TMEM132D: variants seen among roughly 807,000 people sequenced by gnomAD.
TMEM132D encodes transmembrane protein 132D, also known as mature OL transmembrane protein.
TMEM132D carries 21 observed loss-of-function variants against 62.3 expected under a neutral mutation model. The observed-to-expected ratio is 0.34, with a 90% CI of 0.24 to 0.49. The LOEUF (loss-of-function observed/expected upper bound fraction) is 0.49, where lower values mean the gene tolerates loss of function less well. Ranked by LOEUF, TMEM132D falls within the 20% of genes least tolerant of loss-of-function variation. The probability of loss-of-function intolerance (pLI) is 0.99; values close to 1 mark genes in which losing one functional copy is unlikely to be tolerated. For missense variants in TMEM132D, 1,346 were observed against 1,402.8 expected, an observed-to-expected ratio of 0.96 and a Z score of 0.65; for synonymous variants, 621 against 575.6, an observed-to-expected ratio of 1.08 and a Z score of -1.13.
intron 5 of TMEM132D, among the ~76,000 whole-genome samples, chr12:129,138,903 C>T (rs1876660298): frequency 6.6e-6 from 1 of 152,200 alleles, no homozygotes; most frequent in African/African-American, 2.4e-5. Flanking sequence ...TTAATTGTAG[C>T]ACCCACCCTG....
intron 3 of TMEM132D, among the ~76,000 whole-genome samples, chr12:129,433,032 C>T (rs961857706): frequency 1.3e-5 from 2 of 152,304 alleles, no homozygotes; most frequent in Admixed American, 1.3e-4. Context: ...GATGTGTACA[C>T]TTTTGTATTT....
chr12:129,778,767 G>A (rs187254964), intron 1 of TMEM132D, among the ~76,000 whole-genome samples: 8 of 152,238 alleles, frequency 5.3e-5, no homozygotes, highest in East Asian at 3.9e-4. Context: ...TCCTAATACT[G>A]TGGTGCTTAA....
At chr12:129,246,472 G>A (rs1323500258) in intron 4 of TMEM132D, among the ~76,000 whole-genome samples, 1 of 152,118 alleles carries the variant, frequency 6.6e-6, no homozygotes, top group Non-Finnish European at 1.5e-5. Context: ...TGTGCACCTG[G>A]GGGCTGGACA....
At chr12:129,102,237 G>T (rs931730123) in intron 5 of TMEM132D, among the ~76,000 whole-genome samples, 2 of 152,138 alleles carry the variant, frequency 1.3e-5, no homozygotes, top group East Asian at 3.8e-4. Flanking sequence ...TCTTGCGTAC[G>T]CAGAGACTCA....
chr12:129,503,935 GTCA>G (rs768793201), intron 3 of TMEM132D, among the ~76,000 whole-genome samples: 31 of 151,070 alleles, frequency 2.1e-4, no homozygotes, highest in South Asian at 6.3e-4. Context: ...CATCATTACT[GTCA>G]TCATCATCAC....
In TMEM132D at chr12:129,084,484, G is replaced by T. The variant is rs769386298; in HGVS notation, c.1649+13C>A. 1.3e-6 allele frequency: 2 copies of T among 1,577,668 alleles called. No homozygotes were observed. The highest frequency in any genetic ancestry group is 1.7e-6 in the Non-Finnish European group (2 of 1,162,588). ...CTCCTTAGCCTGCCATGGAGTTTCA[G>T]GGACATACCCACCTCCTGCTGGAGA... On this transcript the variant is annotated intron_variant, in intron 6 of 8. Transcript: ENST00000422113.
intron 3 of TMEM132D, among the ~76,000 whole-genome samples, chr12:129,493,421 C>T (rs927922308): frequency 1.3e-5 from 2 of 152,146 alleles, no homozygotes; most frequent in Non-Finnish European, 2.9e-5. Flanking sequence ...CCAAACAGAA[C>T]AAATTGGTGT....
rs1874089490 is a variant in TMEM132D, at chr12:129,867,276, AG to A, written c.79+35984del. Reference sequence around the variant, plus strand: ...CTCTGTCTCAAAAAAAGAAAAAGAAAGAAAGAAATCCTGCCATTTGCAACAA... The same window carrying A: ...CTCTGTCTCAAAAAAAGAAAAAGAAAAAAGAAATCCTGCCATTTGCAACAA... On this transcript the variant is annotated intron_variant, in intron 1 of 8. Coordinates refer to ENST00000422113, the MANE Select transcript of TMEM132D (RefSeq NM_133448.3). This position sits in a 1 kb window ranked among gnomAD's most constrained non-coding sequence, Gnocchi z 4.5. Among the ~76,000 whole-genome samples, 1 of 152,068 alleles carries A rather than the reference AG, an allele frequency of 6.6e-6. No individual in the cohort carries two copies. Among genetic ancestry groups the A allele is most frequent in the Non-Finnish European group, 1.5e-5 (1 of 68,018 alleles).
At chr12:129,831,416 A>C (rs1034056902) in intron 1 of TMEM132D, among the ~76,000 whole-genome samples, 4 of 152,156 alleles carry the variant, frequency 2.6e-5, no homozygotes, top group Non-Finnish European at 4.4e-5. Flanking sequence ...TTATATAGAG[A>C]GACTGTGGTC....
chr12:129,825,893 A>C (rs993301087), intron 1 of TMEM132D, among the ~76,000 whole-genome samples: 2 of 152,034 alleles, frequency 1.3e-5, no homozygotes, highest in Admixed American at 6.6e-5. Context: ...GCAAGACCCT[A>C]TCTCTACAAA....
intron 1 of TMEM132D, among the ~76,000 whole-genome samples, chr12:129,900,396 C>A (rs1004532348): frequency 3.3e-5 from 5 of 152,182 alleles, no homozygotes; most frequent in African/African-American, 1.2e-4. Flanking sequence ...AGCCCACTGC[C>A]CAGGCCATTG....
chr12:129,130,713 G>C (rs975434200), intron 5 of TMEM132D, among the ~76,000 whole-genome samples: 1 of 152,130 alleles, frequency 6.6e-6, no homozygotes, highest in Non-Finnish European at 1.5e-5. Context: ...GGAGAGACAG[G>C]GTGGTCAGGG....
At chr12:129,572,066 GACAGACTCCCCTCTACA>G (rs1877528718) in intron 2 of TMEM132D, among the ~76,000 whole-genome samples, 2 of 152,190 alleles carry the variant, frequency 1.3e-5, no homozygotes, top group South Asian at 4.1e-4. Flanking sequence ...AACTCAGGAT[GACAGACTCCCCTCTACA>G]GGAAACTTCA....
At chr12:129,292,135 C>T (rs760263150) in intron 4 of TMEM132D, among the ~76,000 whole-genome samples, 35 of 152,170 alleles carry the variant, frequency 2.3e-4, no homozygotes, top group Non-Finnish European at 3.5e-4. Flanking sequence ...TCAACATTCA[C>T]ATCTATTGGC....
intron 2 of TMEM132D, among the ~76,000 whole-genome samples, chr12:129,579,680 G>T (rs1877786457): frequency 6.6e-6 from 1 of 152,194 alleles, no homozygotes; most frequent in Non-Finnish European, 1.5e-5. Flanking sequence ...ATCTTCTTCT[G>T]CCTGCTTTTT....
intron 3 of TMEM132D, among the ~76,000 whole-genome samples, chr12:129,486,940 G>C (rs554867054): frequency 3.0e-4 from 46 of 151,656 alleles, no homozygotes; most frequent in African/African-American, 8.0e-4. Flanking sequence ...AAACAAATAA[G>C]AATAGTTAGC....
intron 1 of TMEM132D, among the ~76,000 whole-genome samples, chr12:129,731,749 G>A (rs966002788): frequency 1.3e-5 from 2 of 151,706 alleles, no homozygotes; most frequent in South Asian, 2.1e-4. Context: ...TGCAAGCTCC[G>A]CCTCCCGGGT....
intron 2 of TMEM132D, among the ~76,000 whole-genome samples, chr12:129,654,639 G>T (rs1477984047): frequency 1.3e-5 from 2 of 152,168 alleles, no homozygotes; most frequent in African/African-American, 4.8e-5. Flanking sequence ...GTGACGCTAG[G>T]TCACTGTATA....
At chr12:129,727,576 C>A (rs1445433454) in intron 1 of TMEM132D, among the ~76,000 whole-genome samples, 2 of 152,054 alleles carry the variant, frequency 1.3e-5, no homozygotes, top group Non-Finnish European at 2.9e-5. Context: ...GAAGAAAGGG[C>A]ATATATCCCA....
Sources: allele counts gnomAD v4.1 joint callset (sites outside exome capture counted in the v4.1 genomes callset), GRCh38; gene constraint gnomAD v4.1.1; non-coding constraint Gnocchi (gnomAD v3.1); transcripts MANE v1.5; gene names NCBI Gene and HGNC (gene_info 2026-07-23, HGNC 2026-07-21).